TPP2: variants seen among roughly 807,000 people sequenced by gnomAD.
TPP2 encodes the protein tripeptidyl peptidase 2, also known as tripeptidyl-peptidase 2.
In TPP2, 34 loss-of-function variants were observed where a neutral mutation model predicts 155.9. The observed-to-expected ratio is 0.22, with a 90% confidence interval of 0.17 to 0.29. The LOEUF is 0.29. Ranked by LOEUF, TPP2 falls within the 10% of genes least tolerant of loss-of-function variation. The probability of loss-of-function intolerance (pLI) is 1.00; values close to 1 mark genes in which losing one functional copy is unlikely to be tolerated. For synonymous variants in TPP2, 510 were observed against 529.4 expected, an observed-to-expected ratio of 0.96 and a Z score of 0.50; for missense variants, 1,028 against 1,522.3, an observed-to-expected ratio of 0.68 and a Z score of 5.40.
At chr13:102,662,950 G>T (rs1884328205) in intron 25 of TPP2, among the ~76,000 whole-genome samples, 1 of 151,956 alleles carries the variant, frequency 6.6e-6, no homozygotes, top group Admixed American at 6.6e-5. Flanking sequence ...TTTCAGAAAA[G>T]TTTAATAGAT....
chr13:102,635,911 G>A (rs1882346348), intron 12 of TPP2, among the ~76,000 whole-genome samples: 1 of 152,120 alleles, frequency 6.6e-6, no homozygotes, highest in Admixed American at 6.6e-5. Context: ...TGTAATAGAT[G>A]GAGGCCATGT....
intron 10 of TPP2, chr13:102,631,264 T>A (rs913627621): frequency 3.9e-5 from 6 of 152,206 alleles, no homozygotes; most frequent in African/African-American, 1.4e-4. Context: ...ACAGATATCT[T>A]CCTCATTTTC....
intron 27 of TPP2, among the ~76,000 whole-genome samples, chr13:102,670,354 G>A (rs74109706): frequency 0.088 from 13,444 of 152,204 alleles, 818 homozygotes; most frequent in African/African-American, 0.17. Flanking sequence ...AAGGACTTCC[G>A]ATGACATCAC....
intron 26 of TPP2, among the ~76,000 whole-genome samples, chr13:102,664,163 A>G (rs996479661): frequency 6.6e-6 from 1 of 152,196 alleles, no homozygotes; most frequent in Non-Finnish European, 1.5e-5. Flanking sequence ...ACCAGTTCTC[A>G]TTATTCATCA....
intron 27 of TPP2, among the ~76,000 whole-genome samples, chr13:102,665,265 T>C (rs1477584527): frequency 6.6e-6 from 1 of 152,166 alleles, no homozygotes; most frequent in African/African-American, 2.4e-5. Context: ...TATAAAATAA[T>C]TTTTAAAATG....
intron 10 of TPP2, among the ~76,000 whole-genome samples, chr13:102,633,588 G>A (rs1882165313): frequency 6.6e-6 from 1 of 152,030 alleles, no homozygotes; most frequent in African/African-American, 2.4e-5. Flanking sequence ...TTAAACAGAA[G>A]GAAAGTTTCT....
At position 102,622,437 on chromosome 13, in the gene TPP2, A is replaced by G. The variant is rs150473032; in HGVS notation, c.621-440A>G. 1.3e-4 allele frequency among the ~76,000 whole-genome samples: 20 copies of G among 152,356 alleles called. No individual in the cohort carries two copies. The East Asian group carries it at 2.9e-3, about 22-fold the overall frequency. ...GAGAAATAAATTTAAGTCTGTTATA[A>G]CTATAGGACTGAAGCTCAGTAAAAT... On this transcript the variant is annotated intron_variant, in intron 5 of 29. Coordinates refer to ENST00000376052, the MANE Select transcript of TPP2 (RefSeq NM_001330588.2).
At chr13:102,668,881 G>C (rs772688393) in intron 27 of TPP2, among the ~76,000 whole-genome samples, 1 of 152,302 alleles carries the variant, frequency 6.6e-6, no homozygotes, top group Non-Finnish European at 1.5e-5. Flanking sequence ...GGTAATGTCT[G>C]GGGTTTGTGT....
At chr13:102,650,920 T>C (rs1003151854) in intron 23 of TPP2, among the ~76,000 whole-genome samples, 3 of 152,206 alleles carry the variant, frequency 2.0e-5, no homozygotes, top group Admixed American at 6.5e-5. Flanking sequence ...TTCTCAGTGG[T>C]TTAGCGTTTT....
Position 102,664,792 on chromosome 13 carries a change from C to T in TPP2, c.3241-3C>T. The T allele has an allele frequency of 3.7e-6, 6 of 1,610,316 alleles. No homozygotes were observed. The highest frequency in any genetic ancestry group is 3.4e-6 in the Non-Finnish European group (4 of 1,178,926). Reference sequence around the variant, plus strand: ...TTTTTATTATTTCTTTTTTCCTCTCCAGGAACGAATGAAAAGACTTAATGA... The same window carrying T: ...TTTTTATTATTTCTTTTTTCCTCTCTAGGAACGAATGAAAAGACTTAATGA... On this transcript the variant is annotated splice_polypyrimidine_tract_variant and splice_region_variant and intron_variant, in intron 26 of 29. Coordinates refer to ENST00000376052, the MANE Select transcript of TPP2 (RefSeq NM_001330588.2).
At position 102,616,424 on chromosome 13, in the gene TPP2, C is replaced by G; in HGVS notation, c.419C>G (p.Pro140Arg). 1.2e-6 allele frequency: 2 copies of G among 1,612,458 alleles called. No homozygotes were observed. The highest frequency in any genetic ancestry group is 1.7e-6 in the Non-Finnish European group (2 of 1,179,472). The change falls in exon 4 of 30, where the codon CCT (proline) becomes CGT (arginine). Residue 140 changes from proline to arginine, a missense_variant. Pro to Arg is a moderately radical substitution (Grantham distance 103). This residue lies in a region of TPP2 where 300 missense variants were observed against 398.3 expected (regional missense o/e 0.75). Coordinates refer to ENST00000376052, the MANE Select transcript of TPP2 (RefSeq NM_001330588.2). ...QKERKEKIWDPVHRVALAEAC... is the reference protein window; with the variant it reads ...QKERKEKIWDRVHRVALAEAC... Reference sequence around the variant, plus strand: ...GAACGGAAGGAAAAAATCTGGGACCCTGTTCACAGAGTGGCCCTTGCAGAA... The same window carrying G: ...GAACGGAAGGAAAAAATCTGGGACCGTGTTCACAGAGTGGCCCTTGCAGAA...
At position 102,640,356 on chromosome 13, in the gene TPP2, C is replaced by T. The variant is rs144871113; in HGVS notation, c.2000C>T (p.Pro667Leu). Reference sequence around the variant, plus strand: ...ATTCGAAGGCATTTTATTGAGGTTCCTGAGGGTGCAACATGGGCTGGTAGG... The same window carrying T: ...ATTCGAAGGCATTTTATTGAGGTTCTTGAGGGTGCAACATGGGCTGGTAGG... The part of the protein sequence containing the change: ...GQIRRHFIEV[P>L]EGATWAEVTV... The change falls in exon 16 of 30, where the codon CCT becomes CTT. Residue 667 changes from proline (P) to leucine (L), a missense_variant. This residue lies in a region of TPP2 where 325 missense variants were observed against 463.7 expected (regional missense o/e 0.70). Transcript: ENST00000376052. 3.7e-5 allele frequency: 59 copies of T among 1,613,332 alleles called. No homozygotes were observed. Among genetic ancestry groups the T allele is most frequent in the Non-Finnish European group, 4.6e-5 (54 of 1,179,652 alleles).
intron 4 of TPP2, among the ~76,000 whole-genome samples, chr13:102,617,221 T>C (rs1167988478): frequency 6.6e-6 from 1 of 152,088 alleles, no homozygotes; most frequent in Admixed American, 6.6e-5. Context: ...GCCTATGTAT[T>C]CTCTAATTAT....
At chr13:102,613,472 G>A (rs1331239702) in intron 2 of TPP2, among the ~76,000 whole-genome samples, 1 of 152,272 alleles carries the variant, frequency 6.6e-6, no homozygotes, top group Middle Eastern at 3.4e-3. Flanking sequence ...CATTCATGTT[G>A]GTTGATGCTC....
chr13:102,652,265 T>C (rs1202352096), intron 24 of TPP2, among the ~76,000 whole-genome samples: 1 of 151,764 alleles, frequency 6.6e-6, no homozygotes, highest in African/African-American at 2.4e-5. Flanking sequence ...TAGTCCCAGC[T>C]ACTCTATTGG....
At chr13:102,662,454 A>T (rs1884296806) in intron 25 of TPP2, among the ~76,000 whole-genome samples, 1 of 152,228 alleles carries the variant, frequency 6.6e-6, no homozygotes, top group Non-Finnish European at 1.5e-5. Flanking sequence ...TTAGAAGAAA[A>T]CAGCAAAAAA....
Position 102,644,541 on chromosome 13 carries a change from T to A in TPP2, c.2176-16T>A. 7 of 1,569,814 alleles carry A rather than the reference T, an allele frequency of 4.5e-6. No individual in the cohort carries two copies. The highest frequency in any genetic ancestry group is 6.1e-6 in the Non-Finnish European group (7 of 1,150,288). On this transcript the variant is annotated splice_polypyrimidine_tract_variant and intron_variant, in intron 17 of 29. Coordinates refer to ENST00000376052, the MANE Select transcript of TPP2 (RefSeq NM_001330588.2). ...AAATAAGAAAAGAGATATATTTTAT[T>A]TACTTTTATTTGCAGGGTGGAAAAG...
intron 1 of TPP2, among the ~76,000 whole-genome samples, chr13:102,601,634 TC>T (rs1351670117): frequency 6.6e-6 from 1 of 152,136 alleles, no homozygotes; most frequent in Admixed American, 6.5e-5. Context: ...ATGCTTTCAG[TC>T]CCTCTTTCCC....
In TPP2 at chr13:102,629,484, G is replaced by A; in HGVS notation, c.1019G>A (p.Arg340Lys). 1.3e-6 allele frequency: 2 copies of A among 1,489,286 alleles called. No homozygotes were observed. The highest frequency in any genetic ancestry group is 8.9e-7 in the Non-Finnish European group (1 of 1,126,482). The allele number at this position is 1,489,286 out of a possible 1,614,324, so 92.3% of individuals were successfully genotyped here. ...GEATHWPNSG[R>K]ICEVINEAVW... ...CAAAGGAATTCTCTCTTTTTCAGGA[G>A]AATTTGTGAAGTAATTAATGAAGCA... Residue 340 changes from arginine to lysine, a missense_variant and splice_region_variant, in exon 9 of 30, where the codon AGA becomes AAA. Arg to Lys is a conservative substitution (Grantham distance 26). Coordinates refer to ENST00000376052, the MANE Select transcript of TPP2 (RefSeq NM_001330588.2).
Sources: allele counts gnomAD v4.1 joint callset (sites outside exome capture counted in the v4.1 genomes callset), GRCh38; gene constraint gnomAD v4.1.1; regional missense constraint gnomAD v4.1.1; transcripts MANE v1.5; gene names NCBI Gene and HGNC (gene_info 2026-07-23, HGNC 2026-07-21).